Variants in IGSF10 observed in about 807,000 individuals in gnomAD.
IGSF10 encodes immunoglobulin superfamily member 10.
Under a neutral mutation model 128.2 loss-of-function variants are expected in IGSF10, and 126 were observed. The observed-to-expected ratio is 0.98, with a 90% CI of 0.85 to 1.14. The LOEUF (loss-of-function observed/expected upper bound fraction) is 1.14, where lower values mean the gene tolerates loss of function less well. Ranked by LOEUF, IGSF10 falls within the 50% of genes most tolerant of loss-of-function variation. The probability of loss-of-function intolerance (pLI) is 0.00; values close to 1 mark genes in which losing one functional copy is unlikely to be tolerated. For synonymous variants in IGSF10, 1,185 were observed against 1,146.2 expected, an observed-to-expected ratio of 1.03 and a Z score of -0.68; for missense variants, 3,295 against 3,149.8, an observed-to-expected ratio of 1.05 and a Z score of -1.10.
At chr3:151,517,280 T>C in the IGSF10 span, among the ~76,000 whole-genome samples, 6 of 152,106 alleles carry the variant, frequency 3.9e-5, no homozygotes, top group East Asian at 3.9e-4. Flanking sequence ...TCAGATATTA[T>C]AGAGATTTAG....
the IGSF10 span, among the ~76,000 whole-genome samples, chr3:151,525,582 A>G: frequency 1.3e-5 from 2 of 152,298 alleles, no homozygotes; most frequent in Admixed American, 6.5e-5. Flanking sequence ...GAGGGTTTGA[A>G]TAAGGAAAGA....
At chr3:151,619,370 A>C in the IGSF10 span, among the ~76,000 whole-genome samples, 134 of 152,182 alleles carry the variant, frequency 8.8e-4, no homozygotes, top group Middle Eastern at 3.4e-3. Flanking sequence ...TTTTTATAAT[A>C]TAACAAGAGA....
chr3:151,607,467 T>C, the IGSF10 span, among the ~76,000 whole-genome samples: 1 of 152,090 alleles, frequency 6.6e-6, no homozygotes, highest in African/African-American at 2.4e-5. Flanking sequence ...TGATAAATTC[T>C]AGGGGCTGAA....
In IGSF10 at chr3:151,448,315, A is replaced by G; in HGVS notation, c.1666T>C (p.Tyr556His). The change falls in exon 6 of 8, where the codon TAT (tyrosine) becomes CAT (histidine). Residue 556 changes from tyrosine to histidine, a missense_variant. Physicochemically the swap from Tyr to His is moderately conservative, Grantham distance 83 (BLOSUM62 2). Coordinates refer to ENST00000282466, the MANE Select transcript of IGSF10 (RefSeq NM_178822.5). ...TGVYHCISSN[Y>H]DDADILTYRI... ...TAGGTGAGAATATCTGCATCATCAT[A>G]ATTGCTGCTTATACAGTGATATACG... is the stretch of plus-strand genomic sequence containing the variant. 6.2e-7 allele frequency: 1 copy of G among 1,614,206 alleles called. No individual in the cohort carries two copies. The highest frequency in any genetic ancestry group is 1.1e-5 in the South Asian group (1 of 91,088).
intron 5 of IGSF10, among the ~76,000 whole-genome samples, chr3:151,452,155 T>C (rs1721539720): frequency 6.6e-6 from 1 of 152,238 alleles, no homozygotes. Context: ...AACACTTGAT[T>C]ATTAAGACTG....
At chr3:151,466,883 G>A in the IGSF10 span, among the ~76,000 whole-genome samples, 133 of 152,150 alleles carry the variant, frequency 8.7e-4, 1 homozygote, top group Non-Finnish European at 1.6e-3. Context: ...CTGGCTCAAC[G>A]TGTGCATTTT....
chr3:151,436,767 G>T lies in IGSF10; in HGVS notation c.7794C>A (p.Ser2598=). The change falls in exon 8 of 8, where the codon TCC becomes TCA. Residue 2598 remains serine, a synonymous_variant. Transcript: ENST00000282466. ...GTLVIQNPQT[S]DSGIYKCTAK... ...CTGTGCATTTGTATATCCCAGAATC[G>T]GAGGTTTGGGGATTCTGAATGACTA... 1 of 1,614,068 alleles carries T rather than the reference G, an allele frequency of 6.2e-7. No homozygotes were observed. Among genetic ancestry groups the T allele is most frequent in the Non-Finnish European group, 8.5e-7 (1 of 1,179,974 alleles).
At chr3:151,594,142 C>T in the IGSF10 span, among the ~76,000 whole-genome samples, 2 of 152,104 alleles carry the variant, frequency 1.3e-5, no homozygotes, top group Non-Finnish European at 2.9e-5. Context: ...AAAACTGACT[C>T]ATCATTAATA....
the IGSF10 span, among the ~76,000 whole-genome samples, chr3:151,503,710 A>C: frequency 6.6e-6 from 1 of 152,192 alleles, no homozygotes; most frequent in Non-Finnish European, 1.5e-5. Flanking sequence ...ATGCACGCCA[A>C]ATTGGCTAAA....
At chr3:151,547,014 A>C in the IGSF10 span, among the ~76,000 whole-genome samples, 2 of 110,368 alleles carry the variant, frequency 1.8e-5, no homozygotes, top group African/African-American at 3.4e-5. Context: ...CCGGCGATCC[A>C]CCCCCCCCTT....
At chr3:151,545,943 C>T in the IGSF10 span, among the ~76,000 whole-genome samples, 21 of 151,906 alleles carry the variant, frequency 1.4e-4, no homozygotes, top group Admixed American at 9.8e-4. Flanking sequence ...CCAAATGTTG[C>T]TCGCAGCAGA....
At chr3:151,534,796 AGTGTAT>A in the IGSF10 span, among the ~76,000 whole-genome samples, 3 of 129,462 alleles carry the variant, frequency 2.3e-5, no homozygotes, top group Non-Finnish European at 5.1e-5. Flanking sequence ...CAGAATTTAA[AGTGTAT>A]GTGTGTGTGT....
chr3:151,516,567 A>T, the IGSF10 span, among the ~76,000 whole-genome samples: 1 of 152,054 alleles, frequency 6.6e-6, no homozygotes, highest in African/African-American at 2.4e-5. Context: ...TCAGAAGCAG[A>T]ACATTTGTCC....
the IGSF10 span, among the ~76,000 whole-genome samples, chr3:151,505,039 A>AT: frequency 6.6e-6 from 1 of 152,116 alleles, no homozygotes; most frequent in Non-Finnish European, 1.5e-5. Context: ...ACCTCTGCCT[A>AT]TTACCCAGTT....
chr3:151,523,097 T>C, the IGSF10 span, among the ~76,000 whole-genome samples: 3 of 152,096 alleles, frequency 2.0e-5, no homozygotes, highest in African/African-American at 4.8e-5. Flanking sequence ...TACCTAAGAA[T>C]ACAGCTAACC....
chr3:151,584,771 A>G, the IGSF10 span, among the ~76,000 whole-genome samples: 2 of 152,122 alleles, frequency 1.3e-5, no homozygotes, highest in Non-Finnish European at 2.9e-5. Flanking sequence ...TCAGTTATTC[A>G]TTGTTGGGGT....
chr3:151,497,219 C>G, the IGSF10 span, among the ~76,000 whole-genome samples: 26 of 152,268 alleles, frequency 1.7e-4, no homozygotes, highest in African/African-American at 5.3e-4. Flanking sequence ...GTTGCCATTG[C>G]TTTTGGTGTT....
the IGSF10 span, among the ~76,000 whole-genome samples, chr3:151,613,593 A>C: frequency 5.9e-3 from 904 of 152,030 alleles, 5 homozygotes; most frequent in African/African-American, 0.02. Flanking sequence ...CCTATTTAAT[A>C]AATGGTGCTG....
the IGSF10 span, among the ~76,000 whole-genome samples, chr3:151,528,271 T>C: frequency 1.3e-5 from 2 of 152,254 alleles, no homozygotes; most frequent in Non-Finnish European, 2.9e-5. Flanking sequence ...TTGTCATTCA[T>C]AATTTTATTC....
Sources: gnomAD v4.1 joint callset for allele counts (sites outside exome capture counted in the v4.1 genomes callset) on GRCh38, gnomAD v4.1.1 for gene constraint, MANE v1.5 for transcripts, NCBI Gene and HGNC (gene_info 2026-07-23, HGNC 2026-07-21) for gene names.